CALCOCO2: variants seen among roughly 807,000 people sequenced by gnomAD.
The protein encoded by CALCOCO2 is calcium binding and coiled-coil domain 2, also known as calcium-binding and coiled-coil domain-containing protein 2.
In CALCOCO2, 42 loss-of-function variants were observed where a neutral mutation model predicts 62.5. The observed-to-expected ratio is 0.67, with a 90% CI of 0.53 to 0.87. The LOEUF is 0.87. Ranked by LOEUF, CALCOCO2 falls within the 40% of genes least tolerant of loss-of-function variation. The pLI is 0.00. For missense variants in CALCOCO2, 456 were observed against 515.0 expected (o/e 0.89, Z 1.11); for synonymous variants, 167 against 173.0 (o/e 0.97, Z 0.27).
chr17:48,853,288 T>C (rs1173823725), intron 9 of CALCOCO2: 2 of 354,272 alleles, frequency 5.6e-6, no homozygotes, highest in Non-Finnish European at 1.1e-5. Context: ...TCACACAGAA[T>C]AACCCCTACC....
rs900187023 is a variant in CALCOCO2, at chr17:48,863,669, T to G, written c.*664T>G. The G allele has an allele frequency of 3.9e-5, 6 of 153,120 alleles. No homozygotes were observed. Among genetic ancestry groups the G allele is most frequent in the African/African-American group, 2.4e-5 (1 of 41,468 alleles). The allele number at this position is 153,120 out of a possible 1,614,324, so 9.5% of individuals were successfully genotyped here. On this transcript the variant is annotated 3_prime_UTR_variant, in exon 13 of 13. Coordinates refer to ENST00000258947, the MANE Select transcript of CALCOCO2 (RefSeq NM_005831.5). The stretch of plus-strand genomic sequence containing the variant: ...ACTTTCTACTCTCTGATATTTCCTA[T>G]GTACATAGCTTTTATTGTTGTAAAT...
rs201620728 is a variant in CALCOCO2, at chr17:48,848,082, C to A, written c.199C>A (p.Arg67Ser). ...GIFRVGWKTTREYYTFMWVTL... is the reference protein window; with the variant it reads ...GIFRVGWKTTSEYYTFMWVTL... ...ATTGCAGGTGGGGTGGAAGACAACC[C>A]GTGAGTATTACACCTTCATGTGGGT... The change falls in exon 3 of 13, where the codon CGT becomes AGT. Residue 67 changes from arginine (R) to serine (S), a missense_variant. Arg to Ser is a moderately radical substitution (Grantham distance 110). Transcript: ENST00000258947. 3 of 1,610,184 alleles carry A rather than the reference C, an allele frequency of 1.9e-6. No individual in the cohort carries two copies. The highest frequency in any genetic ancestry group is 2.5e-6 in the Non-Finnish European group (3 of 1,176,640).
chr17:48,852,626 C>T lies in CALCOCO2; in HGVS notation c.823C>T (p.Gln275Ter). 6.2e-7 allele frequency: 1 copy of T among 1,611,178 alleles called. No individual in the cohort carries two copies. The highest frequency in any genetic ancestry group is 8.5e-7 in the Non-Finnish European group (1 of 1,178,960). The change falls in exon 8 of 13, where the codon CAG becomes TAG. Residue 275 changes from glutamine to a stop codon, truncating the protein, a stop_gained and splice_region_variant. Transcript: ENST00000258947. LOFTEE classifies it high-confidence loss of function. ...NDHLFLSLTEQRKDQKKLEQT... is the reference protein window; with the variant it reads ...NDHLFLSLTE ...CCACCTCTTTCTCAGTTTAACTGAACAGGTAGAGTCATGAGAGAAAACAAC... is the reference window on the plus strand; with the variant it reads ...CCACCTCTTTCTCAGTTTAACTGAATAGGTAGAGTCATGAGAGAAAACAAC...
chr17:48,845,371 C>CTGTGTGTGTG (rs56280364), intron 2 of CALCOCO2, among the ~76,000 whole-genome samples: 7 of 116,210 alleles, frequency 6.0e-5, no homozygotes, highest in South Asian at 2.9e-4. Context: ...TAAATCCTCA[C>CTGTGTGTGTG]TGTGTGTGTG....
chr17:48,858,029 GAATAGAATAGAATAGAA>G (rs1281204021), intron 10 of CALCOCO2, among the ~76,000 whole-genome samples: 2,327 of 20,336 alleles, frequency 0.11, 255 homozygotes, highest in South Asian at 0.2. Context: ...GAATAGAATA[GAATAGAATAGAATAGAA>G]AATAGAATAG....
intron 1 of CALCOCO2, among the ~76,000 whole-genome samples, chr17:48,834,491 T>G (rs1174328012): frequency 6.6e-6 from 1 of 152,224 alleles, no homozygotes; most frequent in African/African-American, 2.4e-5. Context: ...TCTCTGTTCA[T>G]TCCTTATGTG....
chr17:48,843,019 A>C (rs1032797081), intron 2 of CALCOCO2, among the ~76,000 whole-genome samples: 1 of 152,208 alleles, frequency 6.6e-6, no homozygotes, highest in Non-Finnish European at 1.5e-5. Flanking sequence ...TATGATGTTT[A>C]GTTTGTTTTG....
At chr17:48,846,345 A>G (rs2040053046) in intron 2 of CALCOCO2, 1 of 624,782 alleles carries the variant, frequency 1.6e-6, no homozygotes, top group African/African-American at 1.9e-5. Context: ...TCTTCTCTAT[A>G]GTGAAAGCCA....
At chr17:48,831,174 C>T (rs2039805683) in intron 1 of CALCOCO2, 96 bp downstream of exon 1, 1 of 152,436 alleles carries the variant, frequency 6.6e-6, no homozygotes, top group African/African-American at 2.4e-5. Flanking sequence ...AGAGGTGTGG[C>T]AAGTTTCGGT....
chr17:48,848,152 A>G lies in CALCOCO2; in HGVS notation c.269A>G (p.Glu90Gly). The G allele has an allele frequency of 6.2e-7, 1 of 1,610,862 alleles. No homozygotes were observed. The highest frequency in any genetic ancestry group is 8.5e-7 in the Non-Finnish European group (1 of 1,177,038). ...DLNNKSAKQQEVQFKAYYLPK... is the reference protein window; with the variant it reads ...DLNNKSAKQQGVQFKAYYLPK... ...AACAACAAATCAGCTAAACAGCAGG[A>G]AGTCCAATTCAAAGGTGAGAAAAAT... The change falls in exon 3 of 13, where the codon GAA (glutamate) becomes GGA (glycine). Residue 90 changes from glutamate (E) to glycine (G), a missense_variant. Coordinates refer to ENST00000258947, the MANE Select transcript of CALCOCO2 (RefSeq NM_005831.5).
intron 6 of CALCOCO2, 43 bp downstream of exon 6, chr17:48,851,220 C>A: frequency 1.9e-6 from 2 of 1,048,248 alleles, no homozygotes; most frequent in Non-Finnish European, 3.0e-6. Context: ...AGCTGCTGTA[C>A]CATCAGTACC....
intron 1 of CALCOCO2, among the ~76,000 whole-genome samples, chr17:48,839,669 G>C (rs1417353321): frequency 3.1e-5 from 2 of 64,094 alleles, no homozygotes; most frequent in Non-Finnish European, 6.9e-5. Context: ...GCTTTGCTTT[G>C]CTTTTTTTTT....
At chr17:48,857,978 A>AATTGAATTGAATTGAATTGAATT in intron 10 of CALCOCO2, among the ~76,000 whole-genome samples, 1 of 23,896 alleles carries the variant, frequency 4.2e-5, no homozygotes, top group South Asian at 1.9e-3. Context: ...CTACATCAAT[A>AATTGAATTGAATTGAATTGAATT]GAATAGAATA....
intron 4 of CALCOCO2, 141 bp from the exon 5 acceptor site, chr17:48,849,111 G>A: frequency 1.4e-6 from 1 of 715,380 alleles, no homozygotes; most frequent in South Asian, 1.7e-5. Flanking sequence ...CCCTTACCTA[G>A]GTATTAAGGA....
intron 1 of CALCOCO2, among the ~76,000 whole-genome samples, chr17:48,839,023 G>A (rs1472711165): frequency 3.3e-5 from 5 of 149,964 alleles, no homozygotes; most frequent in Non-Finnish European, 5.9e-5. Context: ...TTTTTGAGAC[G>A]GAGTCTCACT....
chr17:48,851,993 G>T (rs532179078), intron 7 of CALCOCO2, among the ~76,000 whole-genome samples: 5 of 151,998 alleles, frequency 3.3e-5, no homozygotes, highest in African/African-American at 7.3e-5. Context: ...TTAGCTGGGC[G>T]TGCTAATTTA....
intron 2 of CALCOCO2, among the ~76,000 whole-genome samples, chr17:48,845,367 C>T (rs1262449888): frequency 7.6e-6 from 1 of 132,326 alleles, no homozygotes; most frequent in African/African-American, 2.9e-5. Flanking sequence ...TAATTAAATC[C>T]TCACTGTGTG....
intron 10 of CALCOCO2, among the ~76,000 whole-genome samples, chr17:48,858,245 T>G (rs2040273443): frequency 1.3e-5 from 2 of 152,094 alleles, no homozygotes; most frequent in African/African-American, 4.8e-5. Context: ...TATGCCAATG[T>G]GTTTCATAAT....
At chr17:48,841,986 A>C (rs1598028359) in intron 2 of CALCOCO2, 99 bp downstream of exon 2, 2 of 832,576 alleles carry the variant, frequency 2.4e-6, no homozygotes, top group East Asian at 5.3e-5. Context: ...TTTGTATAAT[A>C]TGTGTTGGCA....
Sources: allele counts gnomAD v4.1 joint callset (sites outside exome capture counted in the v4.1 genomes callset), GRCh38; gene constraint gnomAD v4.1.1; transcripts MANE v1.5; gene names NCBI Gene and HGNC (gene_info 2026-07-23, HGNC 2026-07-21).